MGAM2: variants seen among roughly 807,000 people sequenced by gnomAD.
MGAM2 encodes maltase-glucoamylase 2 (putative).
In MGAM2, 98 loss-of-function variants were observed where a neutral mutation model predicts 96.1. That is an observed-to-expected ratio of 1.02 (90% confidence interval 0.87 to 1.21). The LOEUF (loss-of-function observed/expected upper bound fraction) is 1.21, where lower values mean the gene tolerates loss of function less well. Ranked by LOEUF, MGAM2 falls within the 50% of genes most tolerant of loss-of-function variation. The pLI, the probability that MGAM2 is intolerant of heterozygous loss-of-function variation, is 0.00. For missense variants in MGAM2, 2,055 were observed against 1,182.4 expected (o/e 1.74, Z -10.82); for synonymous variants, 749 against 414.8 (o/e 1.81, Z -9.79).
At chr7:142,215,776 A>C (rs1006554388) in intron 46 of MGAM2, among the ~76,000 whole-genome samples, 1 of 151,072 alleles carries the variant, frequency 6.6e-6, no homozygotes, top group African/African-American at 2.4e-5. Flanking sequence ...AAAAAAAAAA[A>C]ACCTCATGAA....
At chr7:142,151,219 G>C (rs765086349) in intron 15 of MGAM2, among the ~76,000 whole-genome samples, 1 of 152,182 alleles carries the variant, frequency 6.6e-6, no homozygotes, top group Non-Finnish European at 1.5e-5. Flanking sequence ...GCCTGAGAGA[G>C]AGAGGAAGGG....
intron 45 of MGAM2, among the ~76,000 whole-genome samples, chr7:142,206,296 C>T (rs554872629): frequency 6.6e-6 from 1 of 152,196 alleles, no homozygotes; most frequent in East Asian, 1.9e-4. Flanking sequence ...GCAATACTGA[C>T]GTTTTGGGCT....
intron 21 of MGAM2, among the ~76,000 whole-genome samples, chr7:142,160,623 C>T (rs768538040): frequency 2.0e-5 from 3 of 151,108 alleles, no homozygotes; most frequent in African/African-American, 4.9e-5. Flanking sequence ...AAGCCAACAC[C>T]GTTTGGGGGT....
At chr7:142,196,669 C>G (rs1191100106) in intron 39 of MGAM2, 31 bp from the exon 40 acceptor site, 2 of 767,900 alleles carry the variant, frequency 2.6e-6, no homozygotes, top group East Asian at 2.4e-5. Context: ...ATGAAATTCC[C>G]ACCTCATGCT....
chr7:142,144,631 C>G (rs902033665), intron 13 of MGAM2, among the ~76,000 whole-genome samples: 2 of 152,024 alleles, frequency 1.3e-5, no homozygotes, highest in African/African-American at 4.8e-5. Flanking sequence ...AAAAATGTGC[C>G]CACTGTCATT....
chr7:142,149,622 G>A (rs983088569), intron 15 of MGAM2, among the ~76,000 whole-genome samples: 2 of 150,842 alleles, frequency 1.3e-5, no homozygotes, highest in Non-Finnish European at 3.0e-5. Flanking sequence ...CTCACTGCAA[G>A]CTCCGCCTCC....
chr7:142,164,216 T>C (rs1397064255), intron 23 of MGAM2, among the ~76,000 whole-genome samples: 1 of 152,232 alleles, frequency 6.6e-6, no homozygotes, highest in Non-Finnish European at 1.5e-5. Flanking sequence ...AAACTGCTAC[T>C]TTTTTCTTCA....
At position 142,221,043 on chromosome 7, in the gene MGAM2, G is replaced by T. The variant is rs754979769; in HGVS notation, c.6532G>T (p.Val2178Phe). 51 of 702,304 alleles carry T rather than the reference G, an allele frequency of 7.3e-5. No homozygotes were observed. The highest frequency in any genetic ancestry group is 4.8e-4 in the Admixed American group (24 of 49,936). The allele number at this position is 702,304 out of a possible 1,614,324, so 43.5% of individuals were successfully genotyped here. ...STDDTVPNNT[V>F]PVTAIPSLAN... is the part of the protein sequence containing the mutation. ...TGATGATACTGTTCCTAATAATACT[G>T]TTCCAGTTACAGCTATTCCTTCTCT... The change falls in exon 48 of 48, where the codon GTT becomes TTT. Residue 2178 changes from valine (V) to phenylalanine (F), a missense_variant. Transcript: ENST00000477922.
At chr7:142,218,281 G>A (rs1797824284) in intron 46 of MGAM2, 80 bp from the exon 47 acceptor site, 1 of 485,018 alleles carries the variant, frequency 2.1e-6, no homozygotes, top group Non-Finnish European at 3.6e-6. Context: ...AGTAAATTTA[G>A]GTTTGTTAAT....
intron 3 of MGAM2, among the ~76,000 whole-genome samples, chr7:142,126,219 A>G (rs188509842): frequency 5.3e-5 from 8 of 152,158 alleles, no homozygotes; most frequent in African/African-American, 1.9e-4. Context: ...AATGAGACCT[A>G]TTCATATATT....
At chr7:142,210,060 C>G (rs1192646648) in intron 46 of MGAM2, among the ~76,000 whole-genome samples, 3 of 152,008 alleles carry the variant, frequency 2.0e-5, no homozygotes, top group African/African-American at 7.2e-5. Context: ...CCACAGAGGG[C>G]GAGGAGAAGC....
chr7:142,169,693 A>G (rs1352151914), intron 26 of MGAM2, among the ~76,000 whole-genome samples: 1 of 152,110 alleles, frequency 6.6e-6, no homozygotes, highest in African/African-American at 2.4e-5. Context: ...TGAAAACTCA[A>G]TTCCCTAATT....
At chr7:142,132,657 A>AAATATAATAAATATATTAATTAC (rs1794928328) in intron 6 of MGAM2, among the ~76,000 whole-genome samples, 2 of 127,310 alleles carry the variant, frequency 1.6e-5, no homozygotes, top group African/African-American at 6.2e-5. Context: ...GTTATAATTA[A>AAATATAATAAATATATTAATTAC]AATATAATAA....
intron 37 of MGAM2, among the ~76,000 whole-genome samples, chr7:142,193,820 G>C (rs1169527534): frequency 6.6e-6 from 1 of 151,944 alleles, no homozygotes; most frequent in Admixed American, 6.6e-5. Context: ...CCTTGGATAA[G>C]CACAAACACA....
chr7:142,152,065 T>G (rs2035267044), intron 15 of MGAM2, among the ~76,000 whole-genome samples: 1 of 152,034 alleles, frequency 6.6e-6, no homozygotes, highest in Non-Finnish European at 1.5e-5. Context: ...AGTCTTTCAG[T>G]GATCACAACC....
rs1797833246 is a variant in MGAM2 at position 142,218,549 on chromosome 7, A to G, written c.5358+18A>G. The stretch of plus-strand genomic sequence containing the variant: ...ATAATCAGGTAGGTCTGAAAGGAAT[A>G]TTAGCATATCACAAGTAAATTTTAT... On this transcript the variant is annotated intron_variant, in intron 47 of 47. Transcript: ENST00000477922. 1 of 613,962 alleles carries G rather than the reference A, an allele frequency of 1.6e-6. No individual in the cohort carries two copies. Among genetic ancestry groups the G allele is most frequent in the Non-Finnish European group, 2.9e-6 (1 of 339,610 alleles). The allele number at this position is 613,962 out of a possible 1,614,324, so 38.0% of individuals were successfully genotyped here.
chr7:142,190,267 C>CTTTTTTTTTT (rs58228482), intron 37 of MGAM2, among the ~76,000 whole-genome samples: 5 of 104,244 alleles, frequency 4.8e-5, no homozygotes, highest in African/African-American at 7.8e-5. Context: ...TACCATTTTA[C>CTTTTTTTTTT]TTTTTTTTTT....
intron 31 of MGAM2, among the ~76,000 whole-genome samples, chr7:142,175,236 T>A (rs12535650): frequency 0.18 from 27,210 of 152,092 alleles, 2,726 homozygotes; most frequent in East Asian, 0.31. Flanking sequence ...TGAGAGTTTT[T>A]AAAAATCAGC....
At chr7:142,202,041 A>AT (rs1475603045) in intron 45 of MGAM2, among the ~76,000 whole-genome samples, 99 of 152,340 alleles carry the variant, frequency 6.5e-4, no homozygotes, top group African/African-American at 2.3e-3. Flanking sequence ...TGTAAAAGGC[A>AT]TTTTTGCTAA....
Sources: gnomAD v4.1 joint callset for allele counts (sites outside exome capture counted in the v4.1 genomes callset) on GRCh38, gnomAD v4.1.1 for gene constraint, MANE v1.5 for transcripts, NCBI Gene and HGNC (gene_info 2026-07-23, HGNC 2026-07-21) for gene names.